CPNE5: variants seen among roughly 807,000 people sequenced by gnomAD.
CPNE5 encodes the protein copine 5, also known as copine-5.
Under a neutral mutation model 81.1 loss-of-function variants are expected in CPNE5, and 42 were observed. The observed-to-expected ratio is 0.52, with a 90% CI of 0.40 to 0.67. The LOEUF (loss-of-function observed/expected upper bound fraction) is 0.67. Among genes scored for constraint, CPNE5 ranks in the 30% least tolerant of loss-of-function variants. The pLI, the probability that CPNE5 is intolerant of heterozygous loss-of-function variation, is 0.00. For synonymous variants in CPNE5, 313 were observed against 321.5 expected (o/e 0.97, Z 0.28); for missense variants, 612 against 815.5 (o/e 0.75, Z 3.04).
chr6:36,791,280 G>A (rs1363992550), intron 8 of CPNE5, among the ~76,000 whole-genome samples: 1 of 152,170 alleles, frequency 6.6e-6, no homozygotes, highest in African/African-American at 2.4e-5. Context: ...TTGAGCAGGT[G>A]ACTTTGCCTC....
chr6:36,837,255 A>G (rs1773603763), intron 1 of CPNE5, among the ~76,000 whole-genome samples: 1 of 152,246 alleles, frequency 6.6e-6, no homozygotes, highest in Non-Finnish European at 1.5e-5. Context: ...GCACTGCTCT[A>G]AGCACATGAG....
intron 12 of CPNE5, chr6:36,757,181 C>T (rs557742722): frequency 6.5e-5 from 19 of 292,628 alleles, no homozygotes; most frequent in South Asian, 3.9e-4. Flanking sequence ...TTTGTATTCT[C>T]ATTTGACCCT....
intron 3 of CPNE5, among the ~76,000 whole-genome samples, chr6:36,806,865 C>A (rs1048559029): frequency 6.6e-6 from 1 of 152,244 alleles, no homozygotes; most frequent in Non-Finnish European, 1.5e-5. Context: ...CTCAGCACTG[C>A]TGTCCCACTT....
intron 12 of CPNE5, among the ~76,000 whole-genome samples, chr6:36,760,693 C>G (rs935709130): frequency 1.3e-5 from 2 of 152,152 alleles, no homozygotes; most frequent in African/African-American, 4.8e-5. Context: ...TGAGATGAAG[C>G]CGGCTCGCCA....
intron 9 of CPNE5, among the ~76,000 whole-genome samples, chr6:36,777,314 A>C (rs1767598159): frequency 1.4e-5 from 2 of 146,892 alleles, no homozygotes; most frequent in African/African-American, 2.6e-5. Context: ...AGTACCTCCC[A>C]CCTGTTCACC....
intron 8 of CPNE5, among the ~76,000 whole-genome samples, chr6:36,789,668 T>A (rs1768912788): frequency 6.6e-6 from 1 of 152,184 alleles, no homozygotes; most frequent in African/African-American, 2.4e-5. Context: ...GGCAACCGAA[T>A]TCTCTCCCTT....
chr6:36,751,395 T>C (rs2150376736), intron 14 of CPNE5, among the ~76,000 whole-genome samples: 1 of 152,344 alleles, frequency 6.6e-6, no homozygotes, highest in Non-Finnish European at 1.5e-5. Flanking sequence ...CCTGCCACCA[T>C]CTAGGCGTGT....
At chr6:36,793,977 G>A (rs181564327) in intron 7 of CPNE5, among the ~76,000 whole-genome samples, 3 of 152,372 alleles carry the variant, frequency 2.0e-5, no homozygotes, top group Admixed American at 2.0e-4. Flanking sequence ...AAGAAGGGGA[G>A]GGAAGGAGGG....
At chr6:36,744,961 A>G in intron 18 of CPNE5, 87 bp downstream of exon 18, 1 of 912,422 alleles carries the variant, frequency 1.1e-6, no homozygotes, top group Non-Finnish European at 1.8e-6. Flanking sequence ...CCCTAAGGTC[A>G]AGGAGGTAGG....
Position 36,794,586 on chromosome 6 carries a change from G to T in CPNE5, c.464+4C>A. The T allele has an allele frequency of 6.2e-7, 1 of 1,613,882 alleles. No individual in the cohort carries two copies. Among genetic ancestry groups the T allele is most frequent in the South Asian group, 1.1e-5 (1 of 91,058 alleles). On this transcript the variant is annotated splice_donor_region_variant and intron_variant, in intron 7 of 20. Coordinates refer to ENST00000244751, the MANE Select transcript of CPNE5 (RefSeq NM_020939.2). ...TCCAGGGCCAGAGATGTCTGGCAAC[G>T]TACCCGTTGGACACAGCTGGCATGG...
At chr6:36,815,149 C>T (rs1433018972) in intron 3 of CPNE5, among the ~76,000 whole-genome samples, 1 of 146,254 alleles carries the variant, frequency 6.8e-6, no homozygotes, top group Non-Finnish European at 1.5e-5. Flanking sequence ...CATAGCAAGA[C>T]TCTGTCTCAA....
At chr6:36,762,836 G>T in intron 12 of CPNE5, 81 bp downstream of exon 12, 1 of 1,119,758 alleles carries the variant, frequency 8.9e-7, no homozygotes, top group Non-Finnish European at 1.4e-6. Context: ...CAAGCCCCCA[G>T]CCCAGTGCAT....
chr6:36,785,924 A>C (rs1768492014), intron 8 of CPNE5, among the ~76,000 whole-genome samples: 1 of 150,586 alleles, frequency 6.6e-6, no homozygotes, highest in Non-Finnish European at 1.5e-5. Flanking sequence ...GAGGCAGGAG[A>C]ATTGCTTGAA....
chr6:36,752,960 G>A, intron 14 of CPNE5, 74 bp downstream of exon 14: 3 of 1,282,790 alleles, frequency 2.3e-6, no homozygotes, highest in Non-Finnish European at 3.4e-6. Flanking sequence ...GGTGGGGCCA[G>A]AGCCGGTCCT....
intron 6 of CPNE5, among the ~76,000 whole-genome samples, chr6:36,795,862 AC>A (rs1488620629): frequency 2.0e-5 from 3 of 152,220 alleles, no homozygotes; most frequent in Admixed American, 6.5e-5. Context: ...AGTCAGGAAG[AC>A]AACTAAACTA....
intron 10 of CPNE5, among the ~76,000 whole-genome samples, chr6:36,774,671 G>A (rs1225294049): frequency 1.3e-5 from 2 of 152,280 alleles, no homozygotes; most frequent in Non-Finnish European, 2.9e-5. Flanking sequence ...CTAACCTTGG[G>A]AGTTTCCCAC....
chr6:36,776,180 G>A (rs544304916), intron 9 of CPNE5, among the ~76,000 whole-genome samples: 4 of 152,186 alleles, frequency 2.6e-5, no homozygotes, highest in Non-Finnish European at 5.9e-5. Flanking sequence ...GGGCTGAGCT[G>A]GGGGCAGGGG....
At chr6:36,817,816 G>C (rs576824214) in intron 3 of CPNE5, among the ~76,000 whole-genome samples, 9 of 152,322 alleles carry the variant, frequency 5.9e-5, no homozygotes, top group Admixed American at 1.3e-4. Flanking sequence ...TGTCCCTCCA[G>C]TGGGGCTCCT....
chr6:36,753,122 G>T, intron 13 of CPNE5, 27 bp from the exon 14 acceptor site: 2 of 1,605,408 alleles, frequency 1.2e-6, no homozygotes, highest in South Asian at 1.1e-5. Context: ...AGCTTGGTCA[G>T]TGGGGAGCCT....
Sources: allele counts gnomAD v4.1 joint callset (sites outside exome capture counted in the v4.1 genomes callset), GRCh38; gene constraint gnomAD v4.1.1; transcripts MANE v1.5; gene names NCBI Gene and HGNC (gene_info 2026-07-23, HGNC 2026-07-21).